MGAM: variants seen among roughly 807,000 people sequenced by gnomAD.
MGAM encodes the protein alpha-1,4-glucosidase.
In MGAM, 253 loss-of-function variants were observed where a neutral mutation model predicts 358.8. The observed-to-expected ratio is 0.71, with a 90% confidence interval of 0.64 to 0.78. MGAM has a LOEUF of 0.78. MGAM is among the 30% of genes least tolerant of loss of function. MGAM has a pLI of 0.00. For missense variants in MGAM, 3,080 were observed against 3,432.6 expected (o/e 0.90, Z 2.57); for synonymous variants, 1,105 against 1,227.1 (o/e 0.90, Z 2.08).
rs748657005 is a variant in MGAM at position 142,084,613 on chromosome 7, A to T, written c.6476A>T (p.Tyr2159Phe). ...YQNDSEISSL[Y>F]DEMVAAQIPY... is the part of the protein sequence containing the mutation. ...AACGACTCTGAGATCTCCAGCTTGT[A>T]TGATGAGATGGTGGCTGCCCAGATC... Residue 2159 changes from tyrosine (Y) to phenylalanine (F), a missense_variant, in exon 54 of 71, where the codon TAT becomes TTT. Tyr to Phe is a conservative substitution (Grantham distance 22). Coordinates refer to ENST00000475668, the MANE Select transcript of MGAM (RefSeq NM_001365693.1). 3.0e-5 allele frequency: 47 copies of T among 1,556,368 alleles called. 4 individuals carry two copies. The South Asian group carries it at 5.0e-4, about 17-fold the overall frequency.
chr7:142,013,026 C>T (rs1342670615), intron 3 of MGAM, among the ~76,000 whole-genome samples: 2 of 152,134 alleles, frequency 1.3e-5, no homozygotes, highest in African/African-American at 4.8e-5. Flanking sequence ...AGTCTCAGGG[C>T]GGCCCAGCTT....
chr7:142,064,435 G>C lies in MGAM; in HGVS notation c.4397G>C (p.Ser1466Thr), dbSNP rs1431556174. ...GLSSKTLCME[S>T]QQILPDGSLV... ...AGCAGCAAGACCCTTTGTATGGAGAGTCAGCAGATCCTCCCAGACGGCTCC... is the reference window on the plus strand; with the variant it reads ...AGCAGCAAGACCCTTTGTATGGAGACTCAGCAGATCCTCCCAGACGGCTCC... Residue 1466 changes from serine to threonine, a missense_variant, in exon 37 of 71, where the codon AGT (serine) becomes ACT (threonine). By Grantham distance (58) the Ser-to-Thr change is moderately conservative. Transcript: ENST00000475668. 3.1e-6 allele frequency: 5 copies of C among 1,606,166 alleles called. No homozygotes were observed. The Admixed American group carries it at 6.8e-5, about 22-fold the overall frequency.
chr7:142,097,630 G>A lies in MGAM; in HGVS notation c.7730G>A (p.Arg2577His), dbSNP rs528091576. Reference sequence around the variant, plus strand: ...GTCACTGCATATTTCCCTAGAGCCCGCTGGTATGATTACTACACGGTAAGT... The same window carrying A: ...GTCACTGCATATTTCCCTAGAGCCCACTGGTATGATTACTACACGGTAAGT... ...RNVTAYFPRARWYDYYTGVDI... is the reference protein window; with the variant it reads ...RNVTAYFPRAHWYDYYTGVDI... Residue 2577 changes from arginine to histidine, a missense_variant, in exon 66 of 71, where the codon CGC becomes CAC. Around this residue, in one of 5 missense-constraint regions of MGAM, gnomAD observed 932 missense variants for 1,198.2 expected, o/e 0.78. Coordinates refer to ENST00000475668, the MANE Select transcript of MGAM (RefSeq NM_001365693.1). The A allele has an allele frequency of 4.3e-6, 7 of 1,611,262 alleles. No individual in the cohort carries two copies. The highest frequency in any genetic ancestry group is 4.5e-5 in the East Asian group (2 of 44,870).
At chr7:142,100,771 T>C in intron 67 of MGAM, 31 bp from the exon 68 acceptor site, 2 of 1,585,902 alleles carry the variant, frequency 1.3e-6, no homozygotes, top group East Asian at 2.3e-5. Context: ...GCTTTACTTT[T>C]AGCTAATGCC....
Position 142,094,432 on chromosome 7 carries a change from G to A in MGAM, c.7241G>A (p.Arg2414His), listed in dbSNP as rs767992283. The A allele has an allele frequency of 1.3e-5, 20 of 1,534,602 alleles. 4 individuals carry two copies. The highest frequency in any genetic ancestry group is 1.6e-5 in the Non-Finnish European group (18 of 1,121,894). Residue 2414 changes from arginine (R) to histidine (H), a missense_variant, in exon 61 of 71, where the codon CGC becomes CAC. This residue lies in a region of MGAM where 932 missense variants were observed against 1,198.2 expected (regional missense o/e 0.78). Transcript: ENST00000475668. ...CGCTCCACATTTCCCTCTTCTGGCC[G>A]CTGGGCAGGACATTGGCTGGGAGAC... ...ITRSTFPSSG[R>H]WAGHWLGDNT...
chr7:142,048,814 C>T (rs6975959), intron 22 of MGAM, among the ~76,000 whole-genome samples: 4,615 of 151,438 alleles, frequency 0.03, 251 homozygotes, highest in African/African-American at 0.1. Flanking sequence ...TTTTTAATTG[C>T]AAAATATTTA....
At chr7:142,088,759 A>G (rs760995071) in intron 57 of MGAM, among the ~76,000 whole-genome samples, 1,700 of 97,270 alleles carry the variant, frequency 0.017, 56 homozygotes, top group African/African-American at 0.048. Context: ...CTATCTATCT[A>G]TCTATCTATC....
At position 142,040,773 on chromosome 7, in the gene MGAM, G is replaced by T. The variant is rs1230148739; in HGVS notation, c.2425G>T (p.Asp809Tyr). 6.2e-7 allele frequency: 1 copy of T among 1,613,336 alleles called. No individual in the cohort carries two copies. Among genetic ancestry groups the T allele is most frequent in the Non-Finnish European group, 8.5e-7 (1 of 1,179,534 alleles). The change falls in exon 21 of 71, where the codon GAC becomes TAC. Residue 809 changes from aspartate to tyrosine, a missense_variant. Asp to Tyr is a radical substitution (Grantham distance 160, BLOSUM62 -3). This residue lies in a region of MGAM where 1,816 missense variants were observed against 1,840.5 expected (regional missense o/e 0.99). Transcript: ENST00000475668. ...AAAAGTCGAGATGGAACTTCCTGGAGACAAAATTGGACTTCACCTTCGAGG... is the reference window on the plus strand; with the variant it reads ...AAAAGTCGAGATGGAACTTCCTGGATACAAAATTGGACTTCACCTTCGAGG... ...KQKVEMELPG[D>Y]KIGLHLRGGY...
chr7:142,028,812 T>C (rs1449893708), intron 10 of MGAM, among the ~76,000 whole-genome samples: 1 of 152,058 alleles, frequency 6.6e-6, no homozygotes, highest in African/African-American at 2.4e-5. Flanking sequence ...ATAAAGACGT[T>C]TGGGTGGATG....
chr7:142,056,810 G>A lies in MGAM; in HGVS notation c.3581-20G>A, dbSNP rs750692241. On this transcript the variant is annotated intron_variant, in intron 29 of 70. Transcript: ENST00000475668. Reference sequence around the variant, plus strand: ...ACATGGAAGGTGTCCGTGAGGCTTGGCATTTTTCTTTATTTTCAGATGTGA... The same window carrying A: ...ACATGGAAGGTGTCCGTGAGGCTTGACATTTTTCTTTATTTTCAGATGTGA... 3.8e-5 allele frequency: 62 copies of A among 1,612,028 alleles called. No homozygotes were observed. The highest frequency in any genetic ancestry group is 5.0e-5 in the Non-Finnish European group (59 of 1,178,998).
intron 57 of MGAM, among the ~76,000 whole-genome samples, chr7:142,089,036 A>AT (rs1815122143): frequency 1.0e-5 from 1 of 99,006 alleles, no homozygotes; most frequent in Admixed American, 1.1e-4. Context: ...ATCTATCTAT[A>AT]CTGTTCAAGG....
rs1159935984 is a variant in MGAM, at chr7:142,044,519, A to T, written c.2499-3266A>T. ...TTACGATATATGATATATAATGTAT[A>T]TTATACACTTACGATATATGATATA... On this transcript the variant is annotated intron_variant, in intron 21 of 70. Transcript: ENST00000475668. Among the ~76,000 whole-genome samples the T allele has an allele frequency of 2.3e-5, 2 of 88,838 alleles. 1 individual carries two copies. The highest frequency in any genetic ancestry group is 7.4e-5 in the African/African-American group (2 of 27,126). The allele number at this position is 88,838 out of a possible 152,430, so 58.3% of individuals were successfully genotyped here. A position where few individuals can be genotyped will look rare whatever the true frequency, so the allele number is the denominator to read the frequency against.
chr7:142,058,502 C>T (rs1329332710), intron 31 of MGAM, among the ~76,000 whole-genome samples, 174 bp downstream of exon 31: 1 of 152,228 alleles, frequency 6.6e-6, no homozygotes, highest in African/African-American at 2.4e-5. Context: ...TTGTTTCCGT[C>T]TTCCAGAGAT....
At chr7:142,059,681 A>G in intron 32 of MGAM, 81 bp downstream of exon 32, 1 of 1,590,298 alleles carries the variant, frequency 6.3e-7, no homozygotes, top group Admixed American at 1.7e-5. Flanking sequence ...CTTTATTTCC[A>G]TGTTGCAAGT....
In MGAM at chr7:142,094,498, G is replaced by A. The variant is rs748654062; in HGVS notation, c.7306+1G>A. 1 of 1,546,902 alleles carries A rather than the reference G, an allele frequency of 6.5e-7. No homozygotes were observed. The highest frequency in any genetic ancestry group is 8.9e-7 in the Non-Finnish European group (1 of 1,127,406). On this transcript the variant is annotated splice_donor_variant, in intron 61 of 70. Transcript: ENST00000475668. LOFTEE classifies it high-confidence loss of function. The stretch of plus-strand genomic sequence containing the variant: ...GATCAGCTGAAGAAGTCTATCATTG[G>A]TGCGTGGGTCCTTCCCAGGGCCTGT...
chr7:142,058,443 C>T, intron 31 of MGAM, 115 bp downstream of exon 31: 21 of 1,527,432 alleles, frequency 1.4e-5, no homozygotes, highest in Non-Finnish European at 1.7e-5. Context: ...CTTTTTCAGA[C>T]AATATCACAG....
intron 51 of MGAM, 131 bp downstream of exon 51, chr7:142,082,341 G>T: frequency 7.7e-7 from 1 of 1,290,648 alleles, no homozygotes; most frequent in Non-Finnish European, 1.1e-6. Flanking sequence ...CAATTCTCAG[G>T]CTCCTTTGTT....
chr7:142,088,242 C>A (rs1814933039), intron 57 of MGAM, among the ~76,000 whole-genome samples: 3 of 146,082 alleles, frequency 2.1e-5, no homozygotes, highest in Non-Finnish European at 3.1e-5. Flanking sequence ...CACTTGGCAC[C>A]AGGCTGCTTG....
chr7:142,037,143 C>T (rs371010371), intron 18 of MGAM, among the ~76,000 whole-genome samples, 166 bp downstream of exon 18: 15 of 152,302 alleles, frequency 9.8e-5, no homozygotes, highest in African/African-American at 3.6e-4. Flanking sequence ...ATCTATCTAT[C>T]TATCTAACTG....
Sources: gnomAD v4.1 joint callset for allele counts (sites outside exome capture counted in the v4.1 genomes callset) on GRCh38, gnomAD v4.1.1 for gene constraint, gnomAD v4.1.1 regional missense constraint, MANE v1.5 for transcripts, NCBI Gene and HGNC (gene_info 2026-07-23, HGNC 2026-07-21) for gene names.